Variants in SNTG2 observed in about 807,000 individuals in gnomAD.
The protein encoded by SNTG2 is syntrophin gamma 2.
In SNTG2, 74 loss-of-function variants were observed where a neutral mutation model predicts 70.9. The observed-to-expected ratio is 1.04, with a 90% CI of 0.86 to 1.27. The LOEUF is 1.27. Ranked by LOEUF, SNTG2 falls within the 50% of genes most tolerant of loss-of-function variation. SNTG2 has a pLI of 0.00. For synonymous variants in SNTG2, 278 were observed against 273.8 expected (o/e 1.02, Z -0.15); for missense variants, 717 against 690.7 (o/e 1.04, Z -0.43).
At chr2:1,077,519 G>A (rs1663998747) in intron 1 of SNTG2, among the ~76,000 whole-genome samples, 1 of 152,148 alleles carries the variant, frequency 6.6e-6, no homozygotes, top group Non-Finnish European at 1.5e-5. Flanking sequence ...GGGTGCTCGT[G>A]TTTCCTCATG....
At chr2:1,274,194 A>G (rs935744113) in intron 14 of SNTG2, among the ~76,000 whole-genome samples, 1 of 152,224 alleles carries the variant, frequency 6.6e-6, no homozygotes, top group Admixed American at 6.5e-5. Context: ...GGCTGTGGAA[A>G]ATGGCACACC....
intron 8 of SNTG2, among the ~76,000 whole-genome samples, chr2:1,175,028 T>C (rs1386306307): frequency 6.6e-6 from 1 of 152,236 alleles, no homozygotes; most frequent in Non-Finnish European, 1.5e-5. Context: ...TAGGATTTTG[T>C]TCAAGAAATC....
At chr2:1,058,820 G>A (rs1372943638) in intron 1 of SNTG2, among the ~76,000 whole-genome samples, 1 of 152,188 alleles carries the variant, frequency 6.6e-6, no homozygotes, top group South Asian at 2.1e-4. Context: ...CAAGCCTGTG[G>A]CCCCTAATGA....
At chr2:1,100,003 G>A (rs80337005) in intron 4 of SNTG2, among the ~76,000 whole-genome samples, 18,646 of 152,184 alleles carry the variant, frequency 0.12, 1,316 homozygotes, top group Admixed American at 0.16. Flanking sequence ...AAACCCAGAG[G>A]CAGTCTCAGC....
intron 2 of SNTG2, among the ~76,000 whole-genome samples, chr2:1,091,059 C>T (rs1470045774): frequency 1.3e-5 from 2 of 152,108 alleles, no homozygotes; most frequent in African/African-American, 2.4e-5. Context: ...GGGCCCATCT[C>T]CTGCCCTGTT....
chr2:1,119,125 A>C (rs899393839), intron 4 of SNTG2, among the ~76,000 whole-genome samples: 9 of 152,236 alleles, frequency 5.9e-5, no homozygotes, highest in Non-Finnish European at 1.0e-4. Flanking sequence ...TGATACCTAC[A>C]GGGAAAACAA....
intron 7 of SNTG2, among the ~76,000 whole-genome samples, chr2:1,166,884 A>C (rs1670743542): frequency 6.6e-6 from 1 of 152,154 alleles, no homozygotes; most frequent in Non-Finnish European, 1.5e-5. Flanking sequence ...CGACTGGCAG[A>C]ATGATGTGGA....
chr2:1,171,345 T>G (rs1327675696), intron 7 of SNTG2, among the ~76,000 whole-genome samples: 1 of 152,238 alleles, frequency 6.6e-6, no homozygotes, highest in African/African-American at 2.4e-5. Context: ...TTGGATCTGC[T>G]GCCATTAGTC....
chr2:1,245,178 A>G (rs28538796), intron 11 of SNTG2, among the ~76,000 whole-genome samples: 41,917 of 146,166 alleles, frequency 0.29, 6,856 homozygotes, highest in African/African-American at 0.43. Flanking sequence ...GCTAGATGAC[A>G]CGTTAGTGGG....
intron 16 of SNTG2, among the ~76,000 whole-genome samples, chr2:1,335,295 T>C (rs1292598434): frequency 6.6e-6 from 1 of 152,196 alleles, no homozygotes; most frequent in African/African-American, 2.4e-5. Context: ...TTAGGAGACA[T>C]GACAGAATGG....
intron 14 of SNTG2, among the ~76,000 whole-genome samples, chr2:1,273,859 G>A (rs1349577439): frequency 6.6e-6 from 1 of 152,036 alleles, no homozygotes; most frequent in Admixed American, 6.6e-5. Context: ...CTAATATAAT[G>A]AAGAGAAGAT....
intron 4 of SNTG2, among the ~76,000 whole-genome samples, chr2:1,119,134 A>T (rs1329682636): frequency 6.6e-6 from 1 of 152,224 alleles, no homozygotes; most frequent in East Asian, 1.9e-4. Flanking sequence ...CAGGGAAAAC[A>T]AACAAACACA....
chr2:1,253,864 G>A (rs1181740983), intron 12 of SNTG2, among the ~76,000 whole-genome samples: 2 of 152,008 alleles, frequency 1.3e-5, no homozygotes, highest in South Asian at 2.1e-4. Flanking sequence ...GAGAGGGAGC[G>A]GGAGGAGATG....
intron 13 of SNTG2, among the ~76,000 whole-genome samples, chr2:1,260,130 C>T (rs181857233): frequency 6.6e-4 from 100 of 152,286 alleles, no homozygotes; most frequent in African/African-American, 2.2e-3. Flanking sequence ...TTTAAATGTA[C>T]GTACCTTTTA....
chr2:1,333,175 TAAATC>T (rs2148286349), intron 16 of SNTG2, among the ~76,000 whole-genome samples: 1 of 152,250 alleles, frequency 6.6e-6, no homozygotes, highest in South Asian at 2.1e-4. Flanking sequence ...AGCTTAGAAT[TAAATC>T]AAGAACTCAA....
At chr2:968,393 A>G (rs183676974) in intron 1 of SNTG2, among the ~76,000 whole-genome samples, 1 of 152,266 alleles carries the variant, frequency 6.6e-6, no homozygotes, top group East Asian at 1.9e-4. Context: ...TCAGTCTCCC[A>G]GTTAATTATC....
chr2:1,146,409 TAATG>T lies in SNTG2; in HGVS notation c.411+8603_411+8606del, dbSNP rs539898363. On this transcript the variant is annotated intron_variant, in intron 6 of 16. Coordinates refer to ENST00000308624, the MANE Select transcript of SNTG2 (RefSeq NM_018968.4). ...GATGAAAGAAATCATAGAAAAAAATTAATGAAGAAGATAGTCTATGTTCATGAAT... is the reference window on the plus strand; with the variant it reads ...GATGAAAGAAATCATAGAAAAAAATTAAGAAGATAGTCTATGTTCATGAAT... Among the ~76,000 whole-genome samples the T allele has an allele frequency of 4.1e-3, 623 of 152,250 alleles. 3 individuals are homozygous for T. Among genetic ancestry groups the T allele is most frequent in the Admixed American group, 9.2e-3 (141 of 15,294 alleles).
chr2:1,028,407 C>T lies in SNTG2; in HGVS notation c.73-55111C>T, dbSNP rs142309711. Among the ~76,000 whole-genome samples the T allele has an allele frequency of 2.2e-3, 338 of 152,368 alleles. 4 individuals carry two copies. The highest frequency in any genetic ancestry group is 0.01 in the South Asian group (49 of 4,830). ...GAAATACCTGGGTATTCACTGACTGCAGGTATCCTGATAGGGTAGCACCTG... is the reference window on the plus strand; with the variant it reads ...GAAATACCTGGGTATTCACTGACTGTAGGTATCCTGATAGGGTAGCACCTG... On this transcript the variant is annotated intron_variant, in intron 1 of 16. Coordinates refer to ENST00000308624, the MANE Select transcript of SNTG2 (RefSeq NM_018968.4).
intron 1 of SNTG2, among the ~76,000 whole-genome samples, chr2:1,037,201 A>G (rs973578752): frequency 2.6e-5 from 4 of 152,226 alleles, no homozygotes; most frequent in African/African-American, 9.6e-5. Flanking sequence ...GGAGCCCACA[A>G]CAGGTCAAAA....
Sources: gnomAD v4.1 joint callset for allele counts (sites outside exome capture counted in the v4.1 genomes callset) on GRCh38, gnomAD v4.1.1 for gene constraint, MANE v1.5 for transcripts, NCBI Gene and HGNC (gene_info 2026-07-23, HGNC 2026-07-21) for gene names.